The following CTNNA3 variants were observed in gnomAD, a reference collection of about 807,000 sequenced individuals.
CTNNA3 encodes the protein catenin alpha-3.
In CTNNA3, 76 loss-of-function variants were observed where a neutral mutation model predicts 95.7. That is an observed-to-expected ratio of 0.79 (90% CI 0.66 to 0.96). The LOEUF is 0.96. CTNNA3 is among the 40% of genes least tolerant of loss of function. CTNNA3 has a pLI of 0.00. For synonymous variants in CTNNA3, 431 were observed against 374.4 expected, an observed-to-expected ratio of 1.15 and a Z score of -1.74; for missense variants, 1,191 against 1,089.8, an observed-to-expected ratio of 1.09 and a Z score of -1.31.
chr10:66,513,702 C>T (rs1840741214), intron 11 of CTNNA3, among the ~76,000 whole-genome samples: 1 of 152,182 alleles, frequency 6.6e-6, no homozygotes, highest in African/African-American at 2.4e-5. Flanking sequence ...TCCTCAGGCC[C>T]CTGGGCATTG....
chr10:66,116,613 A>C (rs1452227094), intron 13 of CTNNA3, among the ~76,000 whole-genome samples: 2 of 152,194 alleles, frequency 1.3e-5, no homozygotes. Flanking sequence ...TGAGTAAAAG[A>C]AGCTAAATAA....
chr10:67,611,370 G>C (rs757706531), intron 2 of CTNNA3, among the ~76,000 whole-genome samples: 1 of 151,248 alleles, frequency 6.6e-6, no homozygotes, highest in Non-Finnish European at 1.5e-5. Flanking sequence ...CTGGAGTGCC[G>C]TGGCACGATC....
rs563157504 is a variant in CTNNA3, at chr10:67,550,766, CTAAA to C, written c.293-11101_293-11098del. ...AGCCTTTAGTTCTCAGAGAAACATA[CTAAA>C]TAAACATGGAGTTTTTAAAAGGCAA... On this transcript the variant is annotated intron_variant, in intron 3 of 17. Transcript: ENST00000433211. 3.9e-3 allele frequency among the ~76,000 whole-genome samples: 572 copies of C among 148,248 alleles called. 2 individuals carry two copies. Among genetic ancestry groups the C allele is most frequent in the African/African-American group, 0.014 (548 of 38,016 alleles).
intron 5 of CTNNA3, among the ~76,000 whole-genome samples, chr10:67,512,844 G>C (rs1304697527): frequency 6.6e-6 from 1 of 152,046 alleles, no homozygotes; most frequent in Non-Finnish European, 1.5e-5. Flanking sequence ...AATTAGCTAG[G>C]CATGATGGTA....
chr10:66,825,951 C>A (rs1360717487), intron 7 of CTNNA3, among the ~76,000 whole-genome samples: 1 of 150,938 alleles, frequency 6.6e-6, no homozygotes, highest in Non-Finnish European at 1.5e-5. Context: ...CTACTGTCTA[C>A]TTTTTTAGTT....
intron 15 of CTNNA3, among the ~76,000 whole-genome samples, chr10:66,005,091 T>C (rs539665328): frequency 1.3e-5 from 2 of 152,314 alleles, no homozygotes; most frequent in East Asian, 3.9e-4. Context: ...GATTTTTCTT[T>C]CATCTCCAAA....
At chr10:67,080,575 A>G (rs1175536283) in intron 7 of CTNNA3, among the ~76,000 whole-genome samples, 1 of 152,158 alleles carries the variant, frequency 6.6e-6, no homozygotes, top group Non-Finnish European at 1.5e-5. Context: ...GGATTTATTC[A>G]ATAGGCATCA....
chr10:66,641,673 A>G (rs1398880540), intron 9 of CTNNA3, among the ~76,000 whole-genome samples: 6 of 152,124 alleles, frequency 3.9e-5, no homozygotes, highest in Non-Finnish European at 8.8e-5. Flanking sequence ...AAAAACTTTC[A>G]TTGAGAGAGA....
intron 5 of CTNNA3, among the ~76,000 whole-genome samples, chr10:67,253,810 A>G (rs957388933): frequency 2.0e-5 from 3 of 152,168 alleles, no homozygotes; most frequent in Admixed American, 2.0e-4. Context: ...CCAAGGCCAA[A>G]TTCTGGGTTT....
chr10:66,147,606 C>T (rs866853376), intron 13 of CTNNA3, among the ~76,000 whole-genome samples: 1,318 of 107,952 alleles, frequency 0.012, 31 homozygotes, highest in African/African-American at 0.044. Context: ...AGGTTGCTTT[C>T]AGTTTTTTTT....
intron 7 of CTNNA3, among the ~76,000 whole-genome samples, chr10:66,891,393 G>A (rs975607538): frequency 5.9e-5 from 9 of 152,208 alleles, no homozygotes; most frequent in Admixed American, 5.2e-4. Flanking sequence ...CACTATGGAA[G>A]GCCTCATTCA....
chr10:66,368,603 C>G (rs1367080647), intron 12 of CTNNA3, among the ~76,000 whole-genome samples: 1 of 152,002 alleles, frequency 6.6e-6, no homozygotes, highest in African/African-American at 2.4e-5. Context: ...AGTACCTTGA[C>G]TCAAAGTTAT....
chr10:67,276,507 T>C (rs952411459), intron 5 of CTNNA3, among the ~76,000 whole-genome samples: 3 of 152,168 alleles, frequency 2.0e-5, no homozygotes, highest in Admixed American at 1.3e-4. Context: ...AGTACAGCTA[T>C]TGTTAAATAA....
intron 12 of CTNNA3, among the ~76,000 whole-genome samples, chr10:66,324,287 T>C (rs1224172441): frequency 6.6e-6 from 1 of 151,986 alleles, no homozygotes; most frequent in African/African-American, 2.4e-5. Flanking sequence ...GCTACTGTAC[T>C]CCATCCTGAG....
intron 1 of CTNNA3, among the ~76,000 whole-genome samples, chr10:67,730,900 A>C (rs116975440): frequency 0.034 from 5,243 of 152,286 alleles, 130 homozygotes; most frequent in Non-Finnish European, 0.051. Context: ...TTATAGCACA[A>C]TATGTGGCTT....
chr10:67,558,031 A>C (rs1259657200), intron 3 of CTNNA3, among the ~76,000 whole-genome samples: 1 of 152,148 alleles, frequency 6.6e-6, no homozygotes, highest in African/African-American at 2.4e-5. Flanking sequence ...GCAGAACCTA[A>C]GCCATATTCC....
intron 7 of CTNNA3, among the ~76,000 whole-genome samples, chr10:67,051,351 A>G (rs1276897370): frequency 6.6e-6 from 1 of 152,238 alleles, no homozygotes; most frequent in Non-Finnish European, 1.5e-5. Flanking sequence ...GGAAGTTAGT[A>G]GCCACCAAAA....
At chr10:66,545,849 C>G (rs1180816179) in intron 10 of CTNNA3, among the ~76,000 whole-genome samples, 1 of 151,776 alleles carries the variant, frequency 6.6e-6, no homozygotes, top group African/African-American at 2.4e-5. Flanking sequence ...GTCACTTGCC[C>G]ATTCCCAAGT....
At chr10:67,487,169 C>A (rs1213111910) in intron 5 of CTNNA3, among the ~76,000 whole-genome samples, 1 of 152,268 alleles carries the variant, frequency 6.6e-6, no homozygotes. Flanking sequence ...GAAATAGCAA[C>A]ACCAAAAAAG....
Sources: allele counts gnomAD v4.1 joint callset (sites outside exome capture counted in the v4.1 genomes callset), GRCh38; gene constraint gnomAD v4.1.1; transcripts MANE v1.5; gene names NCBI Gene and HGNC (gene_info 2026-07-23, HGNC 2026-07-21).